Variants in CENPP observed in about 807,000 individuals in gnomAD.
CENPP encodes centromere protein P.
In CENPP, 24 loss-of-function variants were observed where a neutral mutation model predicts 35.6. The ratio of observed to expected loss-of-function variants is 0.67; its 90% CI spans 0.49 to 0.95. The LOEUF (loss-of-function observed/expected upper bound fraction) is 0.95. Ranked by LOEUF, CENPP falls within the 40% of genes least tolerant of loss-of-function variation. The pLI, the probability that CENPP is intolerant of heterozygous loss-of-function variation, is 0.00. For missense variants in CENPP, 332 were observed against 345.3 expected (o/e 0.96, Z 0.31); for synonymous variants, 120 against 125.5 (o/e 0.96, Z 0.29).
At chr9:92,330,209 C>G (rs145056079) in intron 1 of CENPP, among the ~76,000 whole-genome samples, 244 of 152,166 alleles carry the variant, frequency 1.6e-3, no homozygotes, top group Non-Finnish European at 2.4e-3. Flanking sequence ...AGGTATAGAG[C>G]CTGACATACC....
intron 5 of CENPP, among the ~76,000 whole-genome samples, chr9:92,466,092 C>G (rs1463487837): frequency 1.3e-5 from 2 of 152,132 alleles, no homozygotes; most frequent in African/African-American, 4.8e-5. Flanking sequence ...CTTGGCCTCC[C>G]AAAGTGTTGG....
At chr9:92,377,499 A>G (rs1842150814) in intron 4 of CENPP, among the ~76,000 whole-genome samples, 1 of 152,170 alleles carries the variant, frequency 6.6e-6, no homozygotes, top group Admixed American at 6.5e-5. Context: ...GTGGCCAGGT[A>G]GGGAGTGTGG....
At chr9:92,420,598 T>G (rs757944330) in intron 5 of CENPP, among the ~76,000 whole-genome samples, 9 of 152,194 alleles carry the variant, frequency 5.9e-5, no homozygotes, top group Non-Finnish European at 1.0e-4. Flanking sequence ...CTCTGAAGCC[T>G]CTAATACCTT....
At position 92,514,681 on chromosome 9, in the gene CENPP, G is replaced by C. The variant is rs774142752; in HGVS notation, c.565-96633G>C. 3 of 1,609,460 alleles carry C rather than the reference G, an allele frequency of 1.9e-6. No individual in the cohort carries two copies. In the South Asian group the frequency reaches 3.3e-5, roughly 18 times the overall value. On this transcript the variant is annotated intron_variant, in intron 5 of 7. Transcript: ENST00000375587. ...TGGTGCTGTCAGCGGTGGTATCTGGGTAAGCATGGCGTTGATGCAGCTGAT... is the reference window on the plus strand; with the variant it reads ...TGGTGCTGTCAGCGGTGGTATCTGGCTAAGCATGGCGTTGATGCAGCTGAT...
At chr9:92,558,797 G>A (rs2131338830) in intron 5 of CENPP, among the ~76,000 whole-genome samples, 1 of 152,166 alleles carries the variant, frequency 6.6e-6, no homozygotes, top group East Asian at 1.9e-4. Context: ...CTCCTTGGGT[G>A]GGTCTTGCTG....
rs149141115 is a variant in CENPP, at chr9:92,400,988, T to G, written c.564+21129T>G. On this transcript the variant is annotated intron_variant, in intron 5 of 7. Coordinates refer to ENST00000375587, the MANE Select transcript of CENPP (RefSeq NM_001012267.3). ...TCATTGGAAATAAAATTCCACTGTT[T>G]GTATTTACTGTATCTTGAGTCAGTT... The G allele has an allele frequency of 1.5e-4, 87 of 598,102 alleles. No individual in the cohort carries two copies. The East Asian group carries it at 2.4e-3, about 16-fold the overall frequency. The allele number at this position is 598,102 out of a possible 1,614,324, so 37.0% of individuals were successfully genotyped here.
At chr9:92,354,227 G>A (rs1841534096) in intron 4 of CENPP, among the ~76,000 whole-genome samples, 1 of 152,176 alleles carries the variant, frequency 6.6e-6, no homozygotes, top group African/African-American at 2.4e-5. Context: ...TTCCAGTGAG[G>A]ACAAACCTCT....
intron 5 of CENPP, among the ~76,000 whole-genome samples, chr9:92,516,078 C>G (rs1451355615): frequency 2.0e-5 from 3 of 150,022 alleles, no homozygotes; most frequent in East Asian, 1.9e-4. Context: ...TTTTTCCCCC[C>G]CCCGAGACGG....
chr9:92,410,059 C>T (rs1478153995), intron 5 of CENPP, among the ~76,000 whole-genome samples: 1 of 152,108 alleles, frequency 6.6e-6, no homozygotes, highest in Non-Finnish European at 1.5e-5. Flanking sequence ...GCTTCAGCCT[C>T]CCAAGTAGCT....
At chr9:92,572,915 T>C (rs1361155064) in intron 5 of CENPP, among the ~76,000 whole-genome samples, 5 of 152,236 alleles carry the variant, frequency 3.3e-5, no homozygotes, top group African/African-American at 4.8e-5. Flanking sequence ...GTCATGTAGT[T>C]CTTGTGCCAT....
At chr9:92,382,243 T>TA (rs1842266873) in intron 5 of CENPP, among the ~76,000 whole-genome samples, 1 of 152,096 alleles carries the variant, frequency 6.6e-6, no homozygotes, top group South Asian at 2.1e-4. Context: ...ATTTAATTTT[T>TA]AATCGACTAA....
rs570077429 is a variant in CENPP, at chr9:92,397,608, G to T, written c.564+17749G>T. 3.3e-5 allele frequency among the ~76,000 whole-genome samples: 5 copies of T among 152,286 alleles called. No individual in the cohort carries two copies. The South Asian group carries it at 1.0e-3, about 32-fold the overall frequency. The stretch of plus-strand genomic sequence containing the variant: ...GCCTCCCAGAGTGCTGATATTACAG[G>T]CATGAGCCACCACACCCGGCCAGCA... On this transcript the variant is annotated intron_variant, in intron 5 of 7. Transcript: ENST00000375587.
intron 5 of CENPP, among the ~76,000 whole-genome samples, chr9:92,472,319 T>C (rs1845551982): frequency 6.6e-6 from 1 of 151,732 alleles, no homozygotes; most frequent in East Asian, 1.9e-4. Context: ...ATAGTGCCAC[T>C]GCACTCCAGC....
At chr9:92,417,516 CA>C (rs766963068) in intron 5 of CENPP, 4 of 1,601,374 alleles carry the variant, frequency 2.5e-6, no homozygotes, top group Non-Finnish European at 3.4e-6. Context: ...ACTTTGACTC[CA>C]AAAAAGAAGA....
At chr9:92,442,709 C>G (rs575102208) in intron 5 of CENPP, among the ~76,000 whole-genome samples, 1 of 151,704 alleles carries the variant, frequency 6.6e-6, no homozygotes, top group African/African-American at 2.4e-5. Flanking sequence ...ATTAGCCAGG[C>G]GTGGTGGTGG....
At chr9:92,492,499 C>T (rs1024842337) in intron 5 of CENPP, among the ~76,000 whole-genome samples, 5 of 152,094 alleles carry the variant, frequency 3.3e-5, no homozygotes, top group African/African-American at 1.2e-4. Context: ...AGTCATCTTA[C>T]GGAGTAATTA....
intron 5 of CENPP, among the ~76,000 whole-genome samples, chr9:92,530,539 T>C (rs1848682829): frequency 6.6e-6 from 1 of 152,214 alleles, no homozygotes; most frequent in Non-Finnish European, 1.5e-5. Context: ...GTTCAAATTG[T>C]CCTAATAATT....
At chr9:92,501,087 C>T (rs369582601) in intron 5 of CENPP, 1 of 1,592,752 alleles carries the variant, frequency 6.3e-7, no homozygotes, top group Non-Finnish European at 8.6e-7. Context: ...AGGGTAGGGA[C>T]ATCAGGATGG....
At chr9:92,345,550 A>T in intron 3 of CENPP, 149 bp from the exon 4 acceptor site, 1 of 535,222 alleles carries the variant, frequency 1.9e-6, no homozygotes, top group Admixed American at 3.5e-5. Flanking sequence ...ATTATTAGTG[A>T]GATTGAACTT....
Sources: allele counts gnomAD v4.1 joint callset (sites outside exome capture counted in the v4.1 genomes callset), GRCh38; gene constraint gnomAD v4.1.1; transcripts MANE v1.5; gene names NCBI Gene and HGNC (gene_info 2026-07-23, HGNC 2026-07-21).